NBEA: variants seen among roughly 807,000 people sequenced by gnomAD.
The protein encoded by NBEA is lysosomal-trafficking regulator 2.
A neutral mutation model predicts 343.4 loss-of-function variants in NBEA; 44 were observed. The observed-to-expected ratio is 0.13, with a 90% CI of 0.10 to 0.16. The LOEUF is 0.16. Among genes scored for constraint, NBEA ranks in the 10% least tolerant of loss-of-function variants. The pLI, the probability that NBEA is intolerant of heterozygous loss-of-function variation, is 1.00. For missense variants in NBEA, 2,555 were observed against 3,631.3 expected (o/e 0.70, Z 7.62); for synonymous variants, 1,175 against 1,238.7 (o/e 0.95, Z 1.08).
chr13:35,336,930 C>G (rs2039297736), intron 36 of NBEA, among the ~76,000 whole-genome samples: 1 of 152,042 alleles, frequency 6.6e-6, no homozygotes, highest in Admixed American at 6.6e-5. Context: ...GTGCTTATTA[C>G]TCAGGTGACA....
Position 35,432,393 on chromosome 13 carries a change from G to T in NBEA, c.6304G>T (p.Gly2102Cys). ...EALLKAAIEY[G>C]TEEDVVKSKK... ...ATTGCTGAAAGCTGCAATAGAATAT[G>T]GTTAGTACCAATGCTTCTTCCACAA... Residue 2102 changes from glycine (G) to cysteine (C), a missense_variant and splice_region_variant, in exon 39 of 59, where the codon GGC (glycine) becomes TGC (cysteine). Transcript: ENST00000379939. The T allele has an allele frequency of 6.3e-7, 1 of 1,594,578 alleles. No individual in the cohort carries two copies.
At chr13:35,338,872 A>G (rs1029822797) in intron 36 of NBEA, among the ~76,000 whole-genome samples, 2 of 152,126 alleles carry the variant, frequency 1.3e-5, no homozygotes, top group African/African-American at 4.8e-5. Context: ...AATACACCAT[A>G]TTGCTGAAAT....
In NBEA at chr13:34,942,856, C is replaced by T. The variant is rs771431772; in HGVS notation, c.36C>T (p.Leu12=). ...ASEKPGPGPG[L]EPQPVGLIAV... ...AGAAGCCGGGCCCGGGCCCGGGGCT[C>T]GAGCCTCAGCCCGTGGGGCTCATTG... Residue 12 remains leucine, a synonymous_variant, in exon 1 of 59, where the codon CTC becomes CTT. Transcript: ENST00000379939. 4 of 1,372,406 alleles carry T rather than the reference C, an allele frequency of 2.9e-6. No homozygotes were observed. The highest frequency in any genetic ancestry group is 1.6e-5 in the South Asian group (1 of 62,760). 85.0% of individuals were successfully genotyped at this position (1,372,406 alleles called of 1,614,324 possible).
intron 5 of NBEA, 21 bp from the exon 6 acceptor site, chr13:35,050,248 T>C: frequency 6.2e-7 from 1 of 1,603,222 alleles, no homozygotes; most frequent in Non-Finnish European, 8.5e-7. Flanking sequence ...GATATTATAC[T>C]ATTCTCAGTT....
chr13:35,004,562 C>G (rs2061252258), intron 1 of NBEA, among the ~76,000 whole-genome samples: 1 of 152,098 alleles, frequency 6.6e-6, no homozygotes, highest in South Asian at 2.1e-4. Flanking sequence ...TTCATTTATG[C>G]CCTTTGAGGC....
intron 41 of NBEA, among the ~76,000 whole-genome samples, chr13:35,479,139 T>C (rs1233242135): frequency 1.3e-5 from 2 of 152,220 alleles, no homozygotes; most frequent in Admixed American, 6.5e-5. Flanking sequence ...ACTCATTAGA[T>C]CTAGAGTGTT....
intron 40 of NBEA, among the ~76,000 whole-genome samples, chr13:35,471,009 A>C (rs61949163): frequency 0.1 from 15,607 of 152,160 alleles, 1,125 homozygotes; most frequent in Middle Eastern, 0.3. Context: ...AGAGTCCGCG[A>C]GCCCCGGGGG....
chr13:35,551,306 CT>C (rs2079313009), intron 43 of NBEA, among the ~76,000 whole-genome samples: 3 of 152,046 alleles, frequency 2.0e-5, no homozygotes, highest in African/African-American at 7.2e-5. Context: ...GACATTCTTG[CT>C]TGTTAAAATC....
rs376311038 is a variant in NBEA, at chr13:35,177,065, G to A, written c.4624G>A (p.Asp1542Asn). 3.7e-6 allele frequency: 6 copies of A among 1,604,280 alleles called. No individual in the cohort carries two copies. The highest frequency in any genetic ancestry group is 5.1e-6 in the Non-Finnish European group (6 of 1,174,630). ...KDPDRLLQDV[D>N]INRLRAVVFR... ...TCCGGATAGACTTCTTCAGGATGTT[G>A]ATATCAATCGCCTTCGTGCTGTTGT... The change falls in exon 28 of 59, where the codon GAT becomes AAT. Residue 1542 changes from aspartate (D) to asparagine (N), a missense_variant. By Grantham distance (23) the Asp-to-Asn change is conservative (BLOSUM62 1). Transcript: ENST00000379939.
chr13:35,515,155 CAG>C (rs909441433), intron 41 of NBEA, among the ~76,000 whole-genome samples: 13 of 152,092 alleles, frequency 8.5e-5, no homozygotes, highest in African/African-American at 2.9e-4. Context: ...ACGAGAATAA[CAG>C]GGATAAAAGG....
intron 18 of NBEA, among the ~76,000 whole-genome samples, chr13:35,151,126 A>AG (rs71742796): frequency 0.045 from 6,875 of 151,536 alleles, 237 homozygotes; most frequent in Non-Finnish European, 0.067. Flanking sequence ...AAAAAAAAAA[A>AG]AAAAGAAAAG....
At chr13:35,567,316 A>T (rs1430325412) in intron 45 of NBEA, among the ~76,000 whole-genome samples, 3 of 152,196 alleles carry the variant, frequency 2.0e-5, no homozygotes, top group Non-Finnish European at 4.4e-5. Context: ...TTAGTAGAAA[A>T]TATGATGGCA....
At chr13:35,587,857 T>A (rs947901686) in intron 46 of NBEA, among the ~76,000 whole-genome samples, 6 of 152,170 alleles carry the variant, frequency 3.9e-5, no homozygotes, top group African/African-American at 1.4e-4. Context: ...TTCTGCACAT[T>A]TATCCTACAC....
chr13:35,113,406 G>T (rs574503060), intron 13 of NBEA, among the ~76,000 whole-genome samples: 24 of 152,230 alleles, frequency 1.6e-4, no homozygotes, highest in Non-Finnish European at 2.6e-4. Flanking sequence ...ATTTGGTGGA[G>T]AAATACATTG....
chr13:35,055,660 G>A (rs1179197940), intron 6 of NBEA, among the ~76,000 whole-genome samples: 7 of 152,044 alleles, frequency 4.6e-5, no homozygotes, highest in Admixed American at 4.6e-4. Context: ...ATAAATTCTA[G>A]GAGAACTGGT....
chr13:35,041,332 C>T (rs2062640208), intron 2 of NBEA, among the ~76,000 whole-genome samples, 168 bp downstream of exon 2: 3 of 151,896 alleles, frequency 2.0e-5, no homozygotes, highest in Admixed American at 6.6e-5. Flanking sequence ...CTGAAGAGTG[C>T]AAGAAGAAAA....
At chr13:35,623,966 T>C (rs2083110247) in intron 48 of NBEA, among the ~76,000 whole-genome samples, 1 of 152,106 alleles carries the variant, frequency 6.6e-6, no homozygotes. Flanking sequence ...GAAATAAGGC[T>C]TATTTCATGT....
chr13:35,317,139 CT>C (rs199709713), intron 36 of NBEA, among the ~76,000 whole-genome samples: 1 of 152,112 alleles, frequency 6.6e-6, no homozygotes, highest in East Asian at 1.9e-4. Flanking sequence ...TCAATTTTGG[CT>C]TTTGTTGCCA....
intron 43 of NBEA, among the ~76,000 whole-genome samples, chr13:35,552,922 ACT>A (rs1357205924): frequency 2.0e-5 from 3 of 151,310 alleles, no homozygotes; most frequent in Admixed American, 1.3e-4. Context: ...ACAAGGTCTC[ACT>A]CTGTCACCCA....
Sources: gnomAD v4.1 joint callset for allele counts (sites outside exome capture counted in the v4.1 genomes callset) on GRCh38, gnomAD v4.1.1 for gene constraint, MANE v1.5 for transcripts, NCBI Gene and HGNC (gene_info 2026-07-23, HGNC 2026-07-21) for gene names.